The following HUNK variants were observed in gnomAD, a reference collection of about 807,000 sequenced individuals.
HUNK encodes the protein hormonally up-regulated Neu-associated kinase, also known as hormonally up-regulated neu tumor-associated kinase.
In HUNK, 21 loss-of-function variants were observed where a neutral mutation model predicts 61.0. The observed-to-expected ratio is 0.34, with a 90% CI of 0.24 to 0.50. HUNK has a LOEUF of 0.50. Ranked by LOEUF, HUNK falls within the 20% of genes least tolerant of loss-of-function variation. HUNK has a pLI of 0.98. For missense variants in HUNK, 772 were observed against 945.7 expected (o/e 0.82, Z 2.41); for synonymous variants, 371 against 386.1 (o/e 0.96, Z 0.46).
At chr21:31,902,277 A>G (rs1372529636) in intron 1 of HUNK, among the ~76,000 whole-genome samples, 3 of 152,168 alleles carry the variant, frequency 2.0e-5, no homozygotes, top group Non-Finnish European at 4.4e-5. Context: ...TTGGGAGGCC[A>G]AGGCAGGTGG....
chr21:31,908,218 A>C (rs1228459044), intron 1 of HUNK, among the ~76,000 whole-genome samples: 5 of 151,896 alleles, frequency 3.3e-5, no homozygotes, highest in South Asian at 2.1e-4. Flanking sequence ...AGAAAAAAAA[A>C]GTGGAGAGGG....
At chr21:31,882,403 G>A (rs28360606) in intron 1 of HUNK, among the ~76,000 whole-genome samples, 62,962 of 151,868 alleles carry the variant, frequency 0.41, 13,333 homozygotes, top group Middle Eastern at 0.49. Flanking sequence ...TCTTATCTGG[G>A]CTCTTCAGTT....
chr21:31,886,512 A>G (rs2052347262), intron 1 of HUNK, among the ~76,000 whole-genome samples: 1 of 152,024 alleles, frequency 6.6e-6, no homozygotes, highest in Non-Finnish European at 1.5e-5. Context: ...GGGGGACATA[A>G]TTAAACCTTT....
chr21:31,899,425 A>AG (rs1230897089), intron 1 of HUNK, among the ~76,000 whole-genome samples: 3 of 151,770 alleles, frequency 2.0e-5, no homozygotes, highest in Non-Finnish European at 4.4e-5. Flanking sequence ...AATTCGCGTG[A>AG]CCTTTGCTGT....
chr21:31,952,768 A>G (rs2052860402), intron 4 of HUNK, among the ~76,000 whole-genome samples: 1 of 118,064 alleles, frequency 8.5e-6, no homozygotes, highest in Admixed American at 1.2e-4. Context: ...TTTTGAGATC[A>G]GAGTATTCTA....
rs1013248649 is a variant in HUNK, at chr21:31,931,937, C to T, written c.554+7177C>T. Reference sequence around the variant, plus strand: ...ATGCACGCGCGCACACACACACACGCGCGCCCACCGCCATATACACAGGGT... The same window carrying T: ...ATGCACGCGCGCACACACACACACGTGCGCCCACCGCCATATACACAGGGT... On this transcript the variant is annotated intron_variant, in intron 2 of 10. Transcript: ENST00000270112. Among the ~76,000 whole-genome samples, 6 of 134,540 alleles carry T rather than the reference C, an allele frequency of 4.5e-5. No homozygotes were observed. The East Asian group carries it at 6.8e-4, about 15-fold the overall frequency. The allele number at this position is 134,540 out of a possible 152,430, so 88.3% of individuals were successfully genotyped here.
Position 31,924,284 on chromosome 21 carries a change from GTT to G in HUNK, c.262-182_262-181del, listed in dbSNP as rs1555877406. Among the ~76,000 whole-genome samples, 11,277 of 151,442 alleles carry G rather than the reference GTT, an allele frequency of 0.074. 526 individuals are homozygous for G. Among genetic ancestry groups the G allele is most frequent in the African/African-American group, 0.12 (4,815 of 41,002 alleles). On this transcript the variant is annotated intron_variant, in intron 1 of 10. Coordinates refer to ENST00000270112, the MANE Select transcript of HUNK (RefSeq NM_014586.2). The surrounding 1 kb of genome is among the most constrained non-coding windows in gnomAD (Gnocchi z 5.1). ...TACCTATATGTGTGTGTGTGTGTGT[GTT>G]TGTGTGGTATATGCATAAATATAAA...
chr21:31,912,709 G>A (rs2052555209), intron 1 of HUNK, among the ~76,000 whole-genome samples: 1 of 152,036 alleles, frequency 6.6e-6, no homozygotes, highest in African/African-American at 2.4e-5. Flanking sequence ...AGCTGGCTAA[G>A]TTTTTGTATT....
chr21:31,976,999 G>T (rs758071379), intron 7 of HUNK, among the ~76,000 whole-genome samples: 22 of 151,950 alleles, frequency 1.4e-4, no homozygotes, highest in Non-Finnish European at 3.1e-4. Context: ...TTGAATTCCT[G>T]AGCTCAAGCA....
At chr21:31,972,959 C>T (rs1458298103) in intron 6 of HUNK, among the ~76,000 whole-genome samples, 1 of 152,060 alleles carries the variant, frequency 6.6e-6, no homozygotes, top group East Asian at 1.9e-4. Context: ...AAGTTCTCTT[C>T]TTACAGAAGA....
intron 4 of HUNK, among the ~76,000 whole-genome samples, chr21:31,950,961 T>C (rs911836675): frequency 7.2e-5 from 11 of 152,096 alleles, no homozygotes; most frequent in Non-Finnish European, 1.6e-4. Flanking sequence ...AAAATCAGCC[T>C]GTCATTGAAA....
chr21:31,883,340 A>G (rs2052322947), intron 1 of HUNK, among the ~76,000 whole-genome samples: 1 of 152,090 alleles, frequency 6.6e-6, no homozygotes, highest in South Asian at 2.1e-4. Context: ...TGTATTAAAC[A>G]TGGTATCTTG....
At position 31,924,817 on chromosome 21, in the gene HUNK, G is replaced by C; in HGVS notation, c.554+57G>C. The C allele has an allele frequency of 7.0e-7, 1 of 1,432,164 alleles. No homozygotes were observed. Among genetic ancestry groups the C allele is most frequent in the Non-Finnish European group, 9.5e-7 (1 of 1,054,718 alleles). 88.7% of individuals were successfully genotyped at this position (1,432,164 alleles called of 1,614,324 possible). ...CTGTGTGCTCCGTGGGTGGCACTGG[G>C]CTGTGGCACCCTCTGAGCCTCTGAG... On this transcript the variant is annotated intron_variant, in intron 2 of 10. Transcript: ENST00000270112. The surrounding 1 kb of genome is among the most constrained non-coding windows in gnomAD (Gnocchi z 5.1).
Position 31,993,225 on chromosome 21 carries a change from C to G in HUNK, c.1306-2543C>G, listed in dbSNP as rs1458978412. Among the ~76,000 whole-genome samples the G allele has an allele frequency of 4.6e-5, 7 of 152,284 alleles. No homozygotes were observed. In the East Asian group the frequency reaches 1.4e-3, roughly 29 times the overall value. ...TTGGTCTCTTTGCACAGCAAACCCCCACGCATTACACACCACTAGGTACCC... is the reference window on the plus strand; with the variant it reads ...TTGGTCTCTTTGCACAGCAAACCCCGACGCATTACACACCACTAGGTACCC... On this transcript the variant is annotated intron_variant, in intron 9 of 10. Coordinates refer to ENST00000270112, the MANE Select transcript of HUNK (RefSeq NM_014586.2).
chr21:31,965,594 C>CT (rs71193162), intron 5 of HUNK, among the ~76,000 whole-genome samples: 38,866 of 127,454 alleles, frequency 0.3, 5,667 homozygotes, highest in East Asian at 0.46. Context: ...CTTTGTTTTT[C>CT]TTTTTTTTTT....
chr21:31,955,050 T>C (rs530252428), intron 4 of HUNK, among the ~76,000 whole-genome samples: 2 of 152,072 alleles, frequency 1.3e-5, no homozygotes, highest in South Asian at 2.1e-4. Context: ...GCCTCCCAAA[T>C]TGCTGGAATT....
intron 1 of HUNK, among the ~76,000 whole-genome samples, chr21:31,878,881 C>T (rs1223287809): frequency 6.6e-6 from 1 of 152,190 alleles, no homozygotes; most frequent in African/African-American, 2.4e-5. Flanking sequence ...GATTGAGTCT[C>T]ACTGAGATAC....
At chr21:31,923,220 A>G (rs1240390796) in intron 1 of HUNK, among the ~76,000 whole-genome samples, 1 of 152,108 alleles carries the variant, frequency 6.6e-6, no homozygotes, top group Non-Finnish European at 1.5e-5. Flanking sequence ...GACAAGGAGA[A>G]TCACTGGAAG....
intron 6 of HUNK, among the ~76,000 whole-genome samples, 188 bp downstream of exon 6, chr21:31,968,573 G>A (rs1021343940): frequency 6.6e-6 from 1 of 152,194 alleles, no homozygotes; most frequent in African/African-American, 2.4e-5. Flanking sequence ...GCCACCATGT[G>A]CTGTTATGCC....
Sources: allele counts gnomAD v4.1 joint callset (sites outside exome capture counted in the v4.1 genomes callset), GRCh38; gene constraint gnomAD v4.1.1; non-coding constraint Gnocchi (gnomAD v3.1); transcripts MANE v1.5; gene names NCBI Gene and HGNC (gene_info 2026-07-23, HGNC 2026-07-21).